The following CFAP73 variants were observed in gnomAD, a reference collection of about 807,000 sequenced individuals.
CFAP73 encodes cilia- and flagella-associated protein 73.
In CFAP73, 33 loss-of-function variants were observed where a neutral mutation model predicts 42.9. The ratio of observed to expected loss-of-function variants is 0.77; its 90% CI spans 0.58 to 1.03. The LOEUF (loss-of-function observed/expected upper bound fraction) is 1.03. CFAP73 is among the 50% of genes least tolerant of loss of function. The probability of loss-of-function intolerance (pLI) is 0.00; values close to 1 mark genes in which losing one functional copy is unlikely to be tolerated. For missense variants in CFAP73, 392 were observed against 411.9 expected (o/e 0.95, Z 0.42); for synonymous variants, 162 against 186.8 (o/e 0.87, Z 1.08).
At chr12:113,156,052 T>G (rs905284063) in intron 6 of CFAP73, among the ~76,000 whole-genome samples, 3 of 151,706 alleles carry the variant, frequency 2.0e-5, no homozygotes, top group African/African-American at 7.3e-5. Context: ...TCTCGAGTAG[T>G]TGGGATTACA....
chr12:113,157,877 C>T, intron 7 of CFAP73, 187 bp downstream of exon 7: 2 of 598,096 alleles, frequency 3.3e-6, no homozygotes, highest in Non-Finnish European at 6.0e-6. Context: ...TAAATGCAGG[C>T]CCTGATGAGG....
In CFAP73 at chr12:113,157,666, C is replaced by T; in HGVS notation, c.914C>T (p.Ala305Val). The T allele has an allele frequency of 6.4e-7, 1 of 1,551,480 alleles. No individual in the cohort carries two copies. Among genetic ancestry groups the T allele is most frequent in the Non-Finnish European group, 8.7e-7 (1 of 1,146,918 alleles). The change falls in exon 7 of 8, where the codon GCC becomes GTC. Residue 305 changes from alanine (A) to valine (V), a missense_variant. Coordinates refer to ENST00000335621, the MANE Select transcript of CFAP73 (RefSeq NM_001144872.3). ...GGCCTGGGTCAGGCTGAGCCTGCAG[C>T]CCCTGCCTCCTAGCCCTGACACAGG... ...LAGLGQAEPA[A>V]PAS
Position 113,153,364 on chromosome 12 carries a change from C to G in CFAP73, c.424C>G (p.Pro142Ala). The G allele has an allele frequency of 3.4e-6, 5 of 1,485,654 alleles. No individual in the cohort carries two copies. The highest frequency in any genetic ancestry group is 4.4e-6 in the Non-Finnish European group (5 of 1,123,882). 92.0% of individuals were successfully genotyped at this position (1,485,654 alleles called of 1,614,324 possible). Residue 142 changes from proline to alanine, a missense_variant, in exon 4 of 8, where the codon CCC becomes GCC. Pro to Ala is a conservative substitution (Grantham distance 27). Coordinates refer to ENST00000335621, the MANE Select transcript of CFAP73 (RefSeq NM_001144872.3). ...GCAGCGCCGGCTTAAGCGCCTGGAG[C>G]CCTGCGCGCGCCTGCTGGAGCAAGC... The part of the protein sequence containing the change: ...RLQRRLKRLE[P>A]CARLLEQALE...
At chr12:113,150,443 A>C (rs1181233721) in intron 1 of CFAP73, among the ~76,000 whole-genome samples, 2 of 152,030 alleles carry the variant, frequency 1.3e-5, no homozygotes, top group Non-Finnish European at 2.9e-5. Context: ...CTCCCTGCAG[A>C]GGTCTCAGGC....
chr12:113,150,540 C>T (rs1952052716), intron 1 of CFAP73, among the ~76,000 whole-genome samples: 1 of 152,070 alleles, frequency 6.6e-6, no homozygotes, highest in Non-Finnish European at 1.5e-5. Flanking sequence ...CTGGGGTCAC[C>T]TCTGACCCCT....
At chr12:113,153,040 T>TAA (rs547434077) in intron 3 of CFAP73, 153 bp downstream of exon 3, 1,266 of 696,148 alleles carry the variant, frequency 1.8e-3, no homozygotes, top group Middle Eastern at 3.2e-3. Context: ...AGCAACCGAT[T>TAA]AAAAAAAAAA....
chr12:113,153,168 T>G, intron 3 of CFAP73, 40 bp from the exon 4 acceptor site: 2 of 1,440,632 alleles, frequency 1.4e-6, no homozygotes, highest in Non-Finnish European at 1.8e-6. Flanking sequence ...CGCCAGCTCC[T>G]GAGTCCTGAA....
intron 1 of CFAP73, among the ~76,000 whole-genome samples, chr12:113,150,126 G>T (rs1952049263): frequency 6.6e-6 from 1 of 152,106 alleles, no homozygotes; most frequent in South Asian, 2.1e-4. Flanking sequence ...ACCCCTAGCT[G>T]ACATCCGGCT....
intron 6 of CFAP73, among the ~76,000 whole-genome samples, chr12:113,156,399 G>A (rs755147628): frequency 1.3e-5 from 2 of 151,734 alleles, no homozygotes; most frequent in African/African-American, 2.4e-5. Context: ...TTATTCGGCC[G>A]GGAGCTCGGC....
rs1952075819 is a variant in CFAP73 at position 113,152,805 on chromosome 12, C to T, written c.185C>T (p.Ala62Val). The T allele has an allele frequency of 6.4e-7, 1 of 1,551,578 alleles. No homozygotes were observed. Among genetic ancestry groups the T allele is most frequent in the Non-Finnish European group, 8.7e-7 (1 of 1,146,910 alleles). The change falls in exon 3 of 8, where the codon GCC becomes GTC. Residue 62 changes from alanine (A) to valine (V), a missense_variant. By Grantham distance (64) the Ala-to-Val change is moderately conservative. Coordinates refer to ENST00000335621, the MANE Select transcript of CFAP73 (RefSeq NM_001144872.3). Reference sequence around the variant, plus strand: ...CAGGTGTTCCGCACCAAGACGGCAGCCCTGAAACAGCGTTGGGAACAGCTG... The same window carrying T: ...CAGGTGTTCCGCACCAAGACGGCAGTCCTGAAACAGCGTTGGGAACAGCTG... Reference protein sequence around the residue: ...QKEVFRTKTAALKQRWEQLEQ... With the variant: ...QKEVFRTKTAVLKQRWEQLEQ...
intron 2 of CFAP73, 39 bp downstream of exon 2, chr12:113,152,062 G>A (rs1435339060): frequency 3.6e-6 from 5 of 1,402,692 alleles, no homozygotes; most frequent in Non-Finnish European, 4.9e-6. Flanking sequence ...TGAGCTGGTG[G>A]ATGGGAAGTG....
intron 1 of CFAP73, 91 bp downstream of exon 1, chr12:113,150,004 C>G (rs1461053586): frequency 3.7e-5 from 49 of 1,308,628 alleles, no homozygotes; most frequent in Middle Eastern, 1.8e-4. Flanking sequence ...TGGGTCCTGG[C>G]TTTGGGCAGA....
intron 6 of CFAP73, among the ~76,000 whole-genome samples, chr12:113,156,553 C>A (rs1378947165): frequency 4.6e-5 from 7 of 152,046 alleles, no homozygotes; most frequent in Non-Finnish European, 1.0e-4. Flanking sequence ...GGCATCCCAC[C>A]TTTTCCCCAA....
At position 113,159,167 on chromosome 12, in the gene CFAP73, C is replaced by T. The variant is rs1338482736; in HGVS notation, c.*478C>T. ...TTGGGATCACTCCCAAGATCCCCTCCTCCCAGAAGCTTGCAGACTCCTCCC... is the reference window on the plus strand; with the variant it reads ...TTGGGATCACTCCCAAGATCCCCTCTTCCCAGAAGCTTGCAGACTCCTCCC... On this transcript the variant is annotated 3_prime_UTR_variant, in exon 8 of 8. Transcript: ENST00000335621. 2 of 1,505,974 alleles carry T rather than the reference C, an allele frequency of 1.3e-6. No homozygotes were observed. The highest frequency in any genetic ancestry group is 1.8e-6 in the Non-Finnish European group (2 of 1,122,608). The allele number at this position is 1,505,974 out of a possible 1,614,324, so 93.3% of individuals were successfully genotyped here.
chr12:113,150,286 C>G (rs1421010666), intron 1 of CFAP73, among the ~76,000 whole-genome samples: 1 of 152,206 alleles, frequency 6.6e-6, no homozygotes, highest in Non-Finnish European at 1.5e-5. Flanking sequence ...AAGTCCCAAC[C>G]TCAGTATCAG....
At chr12:113,150,509 G>A (rs900583928) in intron 1 of CFAP73, among the ~76,000 whole-genome samples, 6 of 150,970 alleles carry the variant, frequency 4.0e-5, no homozygotes, top group African/African-American at 1.2e-4. Flanking sequence ...CTGCTCTCCT[G>A]CAGCCTCATC....
chr12:113,156,849 A>C (rs570853116), intron 6 of CFAP73: 1 of 152,330 alleles, frequency 6.6e-6, no homozygotes, highest in African/African-American at 2.4e-5. Context: ...ACACCACTGC[A>C]CTAGGACCAG....
rs987309600 is a variant in CFAP73, at chr12:113,158,554, G to A, written c.*12-147G>A. On this transcript the variant is annotated intron_variant, in intron 7 of 7. Coordinates refer to ENST00000335621, the MANE Select transcript of CFAP73 (RefSeq NM_001144872.3). The surrounding 1 kb of genome is among the most constrained non-coding windows in gnomAD (Gnocchi z 4.9). The stretch of plus-strand genomic sequence containing the variant: ...ATTGCCAAACCCTGAGGCACTCAGG[G>A]CTCTGACCGGTGCAGCCATGACCTC... 2.4e-5 allele frequency: 7 copies of A among 294,082 alleles called. No individual in the cohort carries two copies. The highest frequency in any genetic ancestry group is 4.4e-5 in the Non-Finnish European group (7 of 160,014). 18.2% of individuals were successfully genotyped at this position (294,082 alleles called of 1,614,324 possible). A position where few individuals can be genotyped will look rare whatever the true frequency, so the allele number is the denominator to read the frequency against.
rs1952045709 is a variant in CFAP73, at chr12:113,149,736, T to C, written c.-122T>C. On this transcript the variant is annotated 5_prime_UTR_variant, in exon 1 of 8. Transcript: ENST00000335621. ...TTGCCAGGCAACCAGAGCCTGCTGGTGGCTGCCTTCTGGGCCGAGCTGAGC... is the reference window on the plus strand; with the variant it reads ...TTGCCAGGCAACCAGAGCCTGCTGGCGGCTGCCTTCTGGGCCGAGCTGAGC... 2.2e-6 allele frequency: 2 copies of C among 922,794 alleles called. No individual in the cohort carries two copies. The highest frequency in any genetic ancestry group is 3.2e-5 in the South Asian group (2 of 62,970). 57.2% of individuals were successfully genotyped at this position (922,794 alleles called of 1,614,324 possible).
Sources: gnomAD v4.1 joint callset for allele counts (sites outside exome capture counted in the v4.1 genomes callset) on GRCh38, gnomAD v4.1.1 for gene constraint, Gnocchi (gnomAD v3.1) non-coding constraint, MANE v1.5 for transcripts, NCBI Gene and HGNC (gene_info 2026-07-23, HGNC 2026-07-21) for gene names.